LY9: variants seen among roughly 807,000 people sequenced by gnomAD.
LY9 encodes the protein T-lymphocyte surface antigen Ly-9.
A neutral mutation model predicts 64.6 loss-of-function variants in LY9; 59 were observed. The ratio of observed to expected loss-of-function variants is 0.91; its 90% CI spans 0.74 to 1.13. The LOEUF is 1.13. LY9 is among the 50% of genes most tolerant of loss of function. The pLI is 0.00. For missense variants in LY9, 789 were observed against 797.2 expected (o/e 0.99, Z 0.12); for synonymous variants, 281 against 308.5 (o/e 0.91, Z 0.93).
intron 7 of LY9, among the ~76,000 whole-genome samples, chr1:160,820,088 T>A (rs961840807): frequency 2.6e-5 from 4 of 152,176 alleles, no homozygotes; most frequent in African/African-American, 9.7e-5. Context: ...CCATTCACCA[T>A]TTGAATGTGG....
Position 160,802,076 on chromosome 1 carries a change from G to A in LY9, c.454+1994G>A, listed in dbSNP as rs910206974. ...GGCGTTAGGCGTGTCCCACCCACCCGCCGCCTCCCATGGCACGTCGGGAAC... is the reference window on the plus strand; with the variant it reads ...GGCGTTAGGCGTGTCCCACCCACCCACCGCCTCCCATGGCACGTCGGGAAC... On this transcript the variant is annotated intron_variant, in intron 2 of 9. Coordinates refer to ENST00000263285, the MANE Select transcript of LY9 (RefSeq NM_002348.4). 174 of 1,244,964 alleles carry A rather than the reference G, an allele frequency of 1.4e-4. No homozygotes were observed. In the African/African-American group the frequency reaches 2.4e-3, roughly 17 times the overall value. The allele number at this position is 1,244,964 out of a possible 1,614,324, so 77.1% of individuals were successfully genotyped here. A position where few individuals can be genotyped will look rare whatever the true frequency, so the allele number is the denominator to read the frequency against.
chr1:160,825,018 C>T lies in LY9; in HGVS notation c.1899+769C>T, dbSNP rs1571068386. On this transcript the variant is annotated intron_variant, in intron 9 of 9. Transcript: ENST00000263285. ...AAAAAAAAATTCCCAGCCTGGGCAA[C>T]ATGGTGAAACCCTGTCTTTATAAAA... Among the ~76,000 whole-genome samples, 8 of 144,058 alleles carry T rather than the reference C, an allele frequency of 5.6e-5. No homozygotes were observed. In the South Asian group the frequency reaches 1.8e-3, roughly 32 times the overall value. 94.5% of individuals were successfully genotyped at this position (144,058 alleles called of 152,430 possible).
At chr1:160,822,473 A>C (rs551882) in intron 7 of LY9, among the ~76,000 whole-genome samples, 68,258 of 152,040 alleles carry the variant, frequency 0.45, 15,754 homozygotes, top group East Asian at 0.7. Flanking sequence ...AGGGAAGGGA[A>C]GATGGAGCCG....
intron 3 of LY9, 40 bp downstream of exon 3, chr1:160,813,951 A>G (rs199862843): frequency 1.3e-6 from 2 of 1,591,448 alleles, no homozygotes; most frequent in Non-Finnish European, 8.6e-7. Flanking sequence ...AATTCCAGAA[A>G]CAATATGAGC....
chr1:160,821,602 C>G (rs1668454976), intron 7 of LY9, among the ~76,000 whole-genome samples: 1 of 152,186 alleles, frequency 6.6e-6, no homozygotes. Context: ...CCAAGCTCAA[C>G]TCTGACTTCT....
chr1:160,816,647 A>G lies in LY9; in HGVS notation c.1126A>G (p.Ile376Val). 1.2e-6 allele frequency: 2 copies of G among 1,613,942 alleles called. No homozygotes were observed. The highest frequency in any genetic ancestry group is 1.7e-5 in the Admixed American group (1 of 59,972). Reference protein sequence around the residue: ...TWSLRHSEDGICRISLTCSVE... With the variant: ...TWSLRHSEDGVCRISLTCSVE... ...GAGCCTCAGGCACAGTGAGGATGGC[A>G]TCTGCAGGATCAGCCTGACCTGCTC... Residue 376 changes from isoleucine (I) to valine (V), a missense_variant, in exon 5 of 10, where the codon ATC (isoleucine) becomes GTC (valine). Physicochemically the swap from Ile to Val is conservative, Grantham distance 29. Coordinates refer to ENST00000263285, the MANE Select transcript of LY9 (RefSeq NM_002348.4).
intron 2 of LY9, among the ~76,000 whole-genome samples, chr1:160,809,080 A>G (rs1667237898): frequency 6.6e-6 from 1 of 152,142 alleles, no homozygotes; most frequent in South Asian, 2.1e-4. Context: ...TGCTGCAATG[A>G]ATATTCTTGT....
Position 160,799,780 on chromosome 1 carries a change from C to A in LY9, c.152C>A (p.Ala51Asp). The change falls in exon 2 of 10, where the codon GCC becomes GAC. Residue 51 changes from alanine (A) to aspartate (D), a missense_variant. Transcript: ENST00000263285. Reference sequence around the variant, plus strand: ...CTAAGAGCCTCTGGAAAGGACTCAGCCCCAACAGTGGTGTCAGGGATCCTA... The same window carrying A: ...CTAAGAGCCTCTGGAAAGGACTCAGACCCAACAGTGGTGTCAGGGATCCTA... ...MGLRASGKDS[A>D]PTVVSGILGG... 1 of 1,613,562 alleles carries A rather than the reference C, an allele frequency of 6.2e-7. No individual in the cohort carries two copies. Among genetic ancestry groups the A allele is most frequent in the Non-Finnish European group, 8.5e-7 (1 of 1,179,676 alleles).
rs1430128353 is a variant in LY9 at position 160,823,496 on chromosome 1, G to A, written c.1530G>A (p.Val510=). The A allele has an allele frequency of 6.2e-7, 1 of 1,613,852 alleles. No homozygotes were observed. The highest frequency in any genetic ancestry group is 8.5e-7 in the Non-Finnish European group (1 of 1,179,894). Residue 510 remains valine, a synonymous_variant, in exon 8 of 10, where the codon GTG becomes GTA. Coordinates refer to ENST00000263285, the MANE Select transcript of LY9 (RefSeq NM_002348.4). The part of the protein sequence containing the change: ...EPTAGHTLYS[V]LSQGYEKLDT... ...CAGCTGGCCACACGCTATACTCTGT[G>A]CTCTCCCAAGGATATGAGAAGCTGG...
intron 2 of LY9, among the ~76,000 whole-genome samples, chr1:160,800,986 A>G (rs576757339): frequency 2.0e-5 from 3 of 152,330 alleles, no homozygotes; most frequent in South Asian, 4.1e-4. Flanking sequence ...GATTAATTCT[A>G]TATCTTTGCT....
At chr1:160,826,425 C>G (rs896322328) in intron 9 of LY9, among the ~76,000 whole-genome samples, 4 of 152,144 alleles carry the variant, frequency 2.6e-5, no homozygotes, top group Non-Finnish European at 5.9e-5. Flanking sequence ...GCACTTATGC[C>G]TGGTGTTCCA....
chr1:160,824,057 G>A, intron 8 of LY9, 124 bp from the exon 9 acceptor site: 6 of 1,219,562 alleles, frequency 4.9e-6, no homozygotes, highest in Non-Finnish European at 7.0e-6. Context: ...ACTGCACTAA[G>A]GCAGCTCCCA....
chr1:160,814,843 C>A, intron 4 of LY9, 82 bp downstream of exon 4: 2 of 1,122,636 alleles, frequency 1.8e-6, no homozygotes, highest in South Asian at 1.5e-5. Flanking sequence ...CCTTCCGCTT[C>A]TCCAAGGGTC....
chr1:160,823,058 C>G (rs1250339655), intron 7 of LY9, among the ~76,000 whole-genome samples: 1 of 152,162 alleles, frequency 6.6e-6, no homozygotes, highest in Non-Finnish European at 1.5e-5. Context: ...CTCATACGTT[C>G]CATAGGATAC....
rs1010711833 is a variant in LY9, at chr1:160,828,129, C to A, written c.*313C>A. 2 of 191,834 alleles carry A rather than the reference C, an allele frequency of 1.0e-5. No individual in the cohort carries two copies. The highest frequency in any genetic ancestry group is 2.1e-5 in the Non-Finnish European group (2 of 94,220). The allele number at this position is 191,834 out of a possible 1,614,324, so 11.9% of individuals were successfully genotyped here. On this transcript the variant is annotated 3_prime_UTR_variant, in exon 10 of 10. Coordinates refer to ENST00000263285, the MANE Select transcript of LY9 (RefSeq NM_002348.4). ...TCAAATGTTGCTGAGGGGCCTGGAC[C>A]AGCTGTCCTTTACACCACCTTCTCA...
intron 9 of LY9, among the ~76,000 whole-genome samples, chr1:160,826,436 T>A (rs552328287): frequency 2.0e-5 from 3 of 152,326 alleles, no homozygotes; most frequent in African/African-American, 7.2e-5. Flanking sequence ...TGGTGTTCCA[T>A]TATTGGAACA....
intron 2 of LY9, among the ~76,000 whole-genome samples, chr1:160,806,096 A>G (rs981548549): frequency 1.3e-5 from 2 of 152,130 alleles, no homozygotes; most frequent in Non-Finnish European, 2.9e-5. Flanking sequence ...TAATTAACAT[A>G]TAGATGGATC....
intron 7 of LY9, among the ~76,000 whole-genome samples, chr1:160,820,116 G>A (rs1668296178): frequency 6.6e-6 from 1 of 152,208 alleles, no homozygotes. Flanking sequence ...TGAGGATGGA[G>A]TTATTGTCTC....
chr1:160,826,342 G>T (rs932699341), intron 9 of LY9, among the ~76,000 whole-genome samples: 3 of 152,090 alleles, frequency 2.0e-5, no homozygotes, highest in African/African-American at 4.8e-5. Flanking sequence ...GGCAGGAGAG[G>T]CAGGCACACT....
Sources: allele counts gnomAD v4.1 joint callset (sites outside exome capture counted in the v4.1 genomes callset), GRCh38; gene constraint gnomAD v4.1.1; transcripts MANE v1.5; gene names NCBI Gene and HGNC (gene_info 2026-07-23, HGNC 2026-07-21).